The following TENM2 variants were observed in gnomAD, a reference collection of about 807,000 sequenced individuals.
TENM2 encodes the protein teneurin-2.
In TENM2, 52 loss-of-function variants were observed where a neutral mutation model predicts 245.2. The ratio of observed to expected loss-of-function variants is 0.21; its 90% CI spans 0.17 to 0.27. The LOEUF (loss-of-function observed/expected upper bound fraction) is 0.27, where lower values mean the gene tolerates loss of function less well. Ranked by LOEUF, TENM2 falls within the 10% of genes least tolerant of loss-of-function variation. The probability of loss-of-function intolerance (pLI) is 1.00; values close to 1 mark genes in which losing one functional copy is unlikely to be tolerated. For synonymous variants in TENM2, 1,363 were observed against 1,438.9 expected (o/e 0.95, Z 1.19); for missense variants, 3,046 against 3,666.8 (o/e 0.83, Z 4.37).
chr5:167,746,710 A>AGAGAGAGAGAGAGAGAGAGAGCGAGC lies in TENM2; in HGVS notation c.503-129271_503-129270insAGAGAGAGAGAGAGAGCGAGCGAGAG, dbSNP rs761614775. Among the ~76,000 whole-genome samples the AGAGAGAGAGAGAGAGAGAGAGCGAGC allele has an allele frequency of 2.7e-3, 386 of 144,910 alleles. 3 individuals are homozygous for AGAGAGAGAGAGAGAGAGAGAGCGAGC. Among genetic ancestry groups the AGAGAGAGAGAGAGAGAGAGAGCGAGC allele is most frequent in the Non-Finnish European group, 4.5e-3 (296 of 66,014 alleles). ...GAGAGAGAGAGAGAGAGAGAGAGAG[A>AGAGAGAGAGAGAGAGAGAGAGCGAGC]GAGAGCTGGACTCTACACAATTAGT... On this transcript the variant is annotated intron_variant, in intron 2 of 28. Coordinates refer to ENST00000518659, the Ensembl canonical transcript of TENM2.
chr5:167,473,799 C>A (rs182048910), intron 2 of TENM2, among the ~76,000 whole-genome samples: 2 of 152,206 alleles, frequency 1.3e-5, no homozygotes, highest in East Asian at 1.9e-4. Context: ...AAAATTGTAC[C>A]TATCTTATGG....
rs190808997 is a variant in TENM2, at chr5:167,987,381, G to A, written c.948-5563G>A. On this transcript the variant is annotated intron_variant, in intron 4 of 28. Coordinates refer to ENST00000518659, the Ensembl canonical transcript of TENM2. ...TCCTTCTTGTTGCCCAGGCTGGAGC[G>A]CAATGGCACGGTCTCAGCTCACTGC... Among the ~76,000 whole-genome samples the A allele has an allele frequency of 1.9e-3, 290 of 150,910 alleles. 1 individual carries two copies. Among genetic ancestry groups the A allele is most frequent in the African/African-American group, 6.4e-3 (261 of 41,026 alleles).
chr5:167,865,513 A>G (rs998573331), intron 2 of TENM2, among the ~76,000 whole-genome samples: 2 of 152,064 alleles, frequency 1.3e-5, no homozygotes, highest in African/African-American at 2.4e-5. Flanking sequence ...GACTCAAGTG[A>G]TCCTCCTGCC....
chr5:167,106,401 C>T, the TENM2 span, among the ~76,000 whole-genome samples: 4 of 151,958 alleles, frequency 2.6e-5, no homozygotes, highest in African/African-American at 4.8e-5. Context: ...AAAGCAAGAA[C>T]GGTGTAGAAA....
intron 2 of TENM2, among the ~76,000 whole-genome samples, chr5:167,828,326 A>T (rs1241400970): frequency 6.6e-6 from 1 of 152,040 alleles, no homozygotes; most frequent in Non-Finnish European, 1.5e-5. Flanking sequence ...CCCTTTATCT[A>T]AACTCTCCTT....
chr5:167,802,876 G>A (rs1425496064), intron 2 of TENM2, among the ~76,000 whole-genome samples: 1 of 152,172 alleles, frequency 6.6e-6, no homozygotes, highest in Non-Finnish European at 1.5e-5. Flanking sequence ...CTTTCACTAT[G>A]AGACTAGCAG....
At chr5:168,000,603 T>C (rs1011592447) in intron 5 of TENM2, among the ~76,000 whole-genome samples, 5 of 152,234 alleles carry the variant, frequency 3.3e-5, no homozygotes, top group African/African-American at 1.2e-4. Context: ...ATGTCATCAA[T>C]TATGAGAAAT....
the TENM2 span, among the ~76,000 whole-genome samples, chr5:167,140,147 T>A: frequency 1.3e-5 from 2 of 152,132 alleles, no homozygotes; most frequent in Admixed American, 6.5e-5. Flanking sequence ...TTTTTTACTT[T>A]AAAAAAAATT....
chr5:168,047,647 T>C lies in TENM2; in HGVS notation c.1309+98T>C, dbSNP rs780919336. On this transcript the variant is annotated intron_variant, in intron 6 of 28. Coordinates refer to ENST00000518659, the Ensembl canonical transcript of TENM2. ...TTTCTAATCCAAATCTTGGAAGGTATGCCAAAAGAAAAAGAAACGGGGGGA... is the reference window on the plus strand; with the variant it reads ...TTTCTAATCCAAATCTTGGAAGGTACGCCAAAAGAAAAAGAAACGGGGGGA... The C allele has an allele frequency of 2.4e-4, 344 of 1,413,202 alleles. 1 individual carries two copies. The highest frequency in any genetic ancestry group is 8.2e-5 in the Non-Finnish European group (86 of 1,054,828). The allele number at this position is 1,413,202 out of a possible 1,614,324, so 87.5% of individuals were successfully genotyped here.
At chr5:168,064,170 C>T (rs1790294585) in intron 7 of TENM2, among the ~76,000 whole-genome samples, 1 of 152,152 alleles carries the variant, frequency 6.6e-6, no homozygotes, top group African/African-American at 2.4e-5. Context: ...GGACAGGCTG[C>T]AAGGTGCTGT....
At chr5:167,884,416 C>T (rs765205628) in intron 3 of TENM2, among the ~76,000 whole-genome samples, 37 of 152,174 alleles carry the variant, frequency 2.4e-4, no homozygotes, top group Non-Finnish European at 4.0e-4. Flanking sequence ...CTCGCTTTCC[C>T]TCAGCCCCTG....
rs1191717159 is a variant in TENM2, at chr5:167,321,782, C to CT, written c.226+36721dup. ...TGAATCTGTTGTCTTGCTGCCTTGG[C>CT]TTATTTTTTTTTTTTTTTTGGGGGG... On this transcript the variant is annotated intron_variant, in intron 1 of 28. Coordinates refer to ENST00000518659, the Ensembl canonical transcript of TENM2. Among the ~76,000 whole-genome samples, 7 of 59,754 alleles carry CT rather than the reference C, an allele frequency of 1.2e-4. 1 individual carries two copies. Among genetic ancestry groups the CT allele is most frequent in the Admixed American group, 2.8e-4 (1 of 3,532 alleles). The allele number at this position is 59,754 out of a possible 152,430, so 39.2% of individuals were successfully genotyped here. A position where few individuals can be genotyped will look rare whatever the true frequency, so the allele number is the denominator to read the frequency against.
intron 24 of TENM2, among the ~76,000 whole-genome samples, chr5:168,226,717 C>T (rs1562305122): frequency 6.6e-6 from 1 of 152,124 alleles, no homozygotes; most frequent in African/African-American, 2.4e-5. Context: ...GTTGGTTGCC[C>T]TGGGACTGGA....
chr5:168,258,500 C>CA lies in TENM2; in HGVS notation c.7433-1774dup, dbSNP rs895510823. On this transcript the variant is annotated intron_variant, in intron 27 of 28. Coordinates refer to ENST00000518659, the Ensembl canonical transcript of TENM2. ...TGGGTGACAGAGCAAGGCTCAGTCTCAAAAAAAAACCAAAAAGTGGAAACA... is the reference window on the plus strand; with the variant it reads ...TGGGTGACAGAGCAAGGCTCAGTCTCAAAAAAAAAACCAAAAAGTGGAAACA... 2.9e-4 allele frequency among the ~76,000 whole-genome samples: 43 copies of CA among 148,564 alleles called. 1 individual carries two copies. Among genetic ancestry groups the CA allele is most frequent in the South Asian group, 8.6e-4 (4 of 4,664 alleles).
In TENM2 at chr5:168,032,765, G is replaced by A. The variant is rs115219124; in HGVS notation, c.1187-14662G>A. Among the ~76,000 whole-genome samples the A allele has an allele frequency of 9.8e-3, 1,492 of 152,236 alleles. 23 individuals are homozygous for A. Among genetic ancestry groups the A allele is most frequent in the African/African-American group, 0.034 (1,402 of 41,526 alleles). ...CCCTTCCAGCCTTTCCTCAGCCGCT[G>A]GTGTTTTTCCTTCCTAGACCACTGT... On this transcript the variant is annotated intron_variant, in intron 5 of 28. Coordinates refer to ENST00000518659, the Ensembl canonical transcript of TENM2.
intron 1 of TENM2, among the ~76,000 whole-genome samples, chr5:167,344,964 C>T (rs1758368489): frequency 1.3e-5 from 2 of 152,130 alleles, no homozygotes; most frequent in Non-Finnish European, 2.9e-5. Flanking sequence ...GATGAGGATG[C>T]AGAAAGAGAA....
intron 4 of TENM2, among the ~76,000 whole-genome samples, chr5:167,979,211 G>T (rs977531786): frequency 6.6e-6 from 1 of 152,108 alleles, no homozygotes; most frequent in African/African-American, 2.4e-5. Context: ...ACACAGGTAG[G>T]GGGAAAAGAG....
intron 7 of TENM2, among the ~76,000 whole-genome samples, chr5:168,087,115 G>A (rs1792522445): frequency 6.6e-6 from 1 of 152,200 alleles, no homozygotes; most frequent in Admixed American, 6.5e-5. Flanking sequence ...GTGTGATGCT[G>A]CTTGACACGT....
chr5:167,321,801 T>TGGGGG (rs1343498230), intron 1 of TENM2, among the ~76,000 whole-genome samples: 2 of 7,280 alleles, frequency 2.7e-4, no homozygotes, highest in African/African-American at 5.2e-4. Flanking sequence ...TTTTTTTTTT[T>TGGGGG]GGGGGGGGGG....
Sources: allele counts gnomAD v4.1 joint callset (sites outside exome capture counted in the v4.1 genomes callset), GRCh38; gene constraint gnomAD v4.1.1; transcripts MANE v1.5; gene names NCBI Gene and HGNC (gene_info 2026-07-23, HGNC 2026-07-21).